PTPN14: variants seen among roughly 807,000 people sequenced by gnomAD.
PTPN14 encodes protein tyrosine phosphatase non-receptor type 14.
Under a neutral mutation model 126.8 loss-of-function variants are expected in PTPN14, and 53 were observed. The ratio of observed to expected loss-of-function variants is 0.42; its 90% CI spans 0.34 to 0.53. The LOEUF is 0.53. Ranked by LOEUF, PTPN14 falls within the 20% of genes least tolerant of loss-of-function variation. The pLI is 0.08. For synonymous variants in PTPN14, 630 were observed against 599.3 expected, an observed-to-expected ratio of 1.05 and a Z score of -0.75; for missense variants, 1,257 against 1,552.9, an observed-to-expected ratio of 0.81 and a Z score of 3.20.
chr1:214,457,995 CTATATCTATAT>C (rs1660419700), intron 2 of PTPN14, among the ~76,000 whole-genome samples: 4 of 2,620 alleles, frequency 1.5e-3, no homozygotes, highest in Non-Finnish European at 1.7e-3. Context: ...ACAGTTTCAT[CTATATCTATAT>C]CTATATCTAT....
intron 1 of PTPN14, among the ~76,000 whole-genome samples, chr1:214,490,490 G>A (rs1661204869): frequency 6.6e-6 from 1 of 152,086 alleles, no homozygotes; most frequent in African/African-American, 2.4e-5. Flanking sequence ...CTCTCATTGT[G>A]TATGCATAAA....
At position 214,402,862 on chromosome 1, in the gene PTPN14, C is replaced by G. The variant is rs372387341; in HGVS notation, c.581+21G>C. On this transcript the variant is annotated intron_variant, in intron 6 of 18. Transcript: ENST00000366956. ...TAAACATCTGTTGTGCAGGCAGCCC[C>G]TTACCCTCTGCCTGCCTTACCTGTG... The G allele has an allele frequency of 1.1e-4, 171 of 1,612,534 alleles. 1 individual carries two copies. The African/African-American group carries it at 2.1e-3, about 20-fold the overall frequency.
chr1:214,394,659 C>T (rs540565609), intron 9 of PTPN14, among the ~76,000 whole-genome samples: 34 of 152,302 alleles, frequency 2.2e-4, no homozygotes, highest in Admixed American at 1.7e-3. Flanking sequence ...CCACCGGCCT[C>T]GGCCTCCCAA....
At chr1:214,536,899 A>C (rs1655722533) in intron 1 of PTPN14, among the ~76,000 whole-genome samples, 1 of 152,284 alleles carries the variant, frequency 6.6e-6, no homozygotes, top group Admixed American at 6.5e-5. Context: ...AAAAAACATC[A>C]AAAAATTTTT....
chr1:214,386,751 G>C lies in PTPN14; in HGVS notation c.1066+93C>G, dbSNP rs1359697740. On this transcript the variant is annotated intron_variant, in intron 12 of 18. Coordinates refer to ENST00000366956, the MANE Select transcript of PTPN14 (RefSeq NM_005401.5). Reference sequence around the variant, plus strand: ...AGACGATGACAAAGTTGAAAAGAAAGCATCCCTGTCATCTTTTTTTTAAAG... The same window carrying C: ...AGACGATGACAAAGTTGAAAAGAAACCATCCCTGTCATCTTTTTTTTAAAG... The C allele has an allele frequency of 4.0e-6, 5 of 1,253,476 alleles. No homozygotes were observed. In the Admixed American group the frequency reaches 8.3e-5, roughly 21 times the overall value. 77.6% of individuals were successfully genotyped at this position (1,253,476 alleles called of 1,614,324 possible).
Position 214,384,379 on chromosome 1 carries a change from C to G in PTPN14, c.1476G>C (p.Glu492Asp). 1 of 1,614,166 alleles carries G rather than the reference C, an allele frequency of 6.2e-7. No individual in the cohort carries two copies. The highest frequency in any genetic ancestry group is 8.5e-7 in the Non-Finnish European group (1 of 1,180,042). ...CATAAGGGACAGTGTAGGGGTGCCT[C>G]TCCCGCATCTCCGGTTGGCTGTACA... ...DLVYSQPEMR[E>D]RHPYTVPYGP... The change falls in exon 13 of 19, where the codon GAG (glutamate) becomes GAC (aspartate). Residue 492 changes from glutamate to aspartate, a missense_variant. This residue lies in a region of PTPN14 where 1,021 missense variants were observed against 1,183.3 expected (regional missense o/e 0.86). Coordinates refer to ENST00000366956, the MANE Select transcript of PTPN14 (RefSeq NM_005401.5). The surrounding 1 kb of genome is among the most constrained non-coding windows in gnomAD (Gnocchi z 5.3).
chr1:214,506,981 G>C (rs551934415), intron 1 of PTPN14, among the ~76,000 whole-genome samples: 1 of 151,216 alleles, frequency 6.6e-6, no homozygotes, highest in South Asian at 2.1e-4. Context: ...CTGTGTTTAA[G>C]TTAAATGAAA....
At chr1:214,361,373 T>G (rs1657952504) in intron 18 of PTPN14, among the ~76,000 whole-genome samples, 1 of 152,166 alleles carries the variant, frequency 6.6e-6, no homozygotes, top group African/African-American at 2.4e-5. Context: ...CCCATCTCAA[T>G]TACCTGTAGG....
At chr1:214,424,266 G>A (rs113200958) in intron 3 of PTPN14, among the ~76,000 whole-genome samples, 68,144 of 150,636 alleles carry the variant, frequency 0.45, 15,481 homozygotes, top group Admixed American at 0.49. Flanking sequence ...CTGCACTCCA[G>A]CCTGGGCAAC....
At chr1:214,548,837 C>A (rs1656035829) in intron 1 of PTPN14, among the ~76,000 whole-genome samples, 1 of 152,174 alleles carries the variant, frequency 6.6e-6, no homozygotes, top group Admixed American at 6.5e-5. Context: ...TATGGTGCTT[C>A]CCTATTAAAA....
chr1:214,407,190 G>A (rs1369417112), intron 5 of PTPN14, among the ~76,000 whole-genome samples: 1 of 152,176 alleles, frequency 6.6e-6, no homozygotes, highest in Non-Finnish European at 1.5e-5. Flanking sequence ...GAAAACAGCA[G>A]GCACAGCAGA....
At chr1:214,490,854 G>A (rs1330305193) in intron 1 of PTPN14, among the ~76,000 whole-genome samples, 12 of 34,586 alleles carry the variant, frequency 3.5e-4, no homozygotes, top group African/African-American at 1.6e-3. Flanking sequence ...GGAAAGGAAG[G>A]GAAGGGAGGG....
At chr1:214,449,305 C>T (rs946770150) in intron 3 of PTPN14, among the ~76,000 whole-genome samples, 6 of 152,132 alleles carry the variant, frequency 3.9e-5, no homozygotes, top group Non-Finnish European at 7.3e-5. Flanking sequence ...CGCGCCCGGC[C>T]GACTTAATTT....
chr1:214,503,743 A>G (rs1057213252), intron 1 of PTPN14, among the ~76,000 whole-genome samples: 4 of 152,190 alleles, frequency 2.6e-5, no homozygotes, highest in African/African-American at 7.2e-5. Flanking sequence ...CACTAATGTC[A>G]GCAATGTTGT....
At chr1:214,404,008 T>C (rs1659101045) in intron 5 of PTPN14, among the ~76,000 whole-genome samples, 1 of 152,116 alleles carries the variant, frequency 6.6e-6, no homozygotes, top group Non-Finnish European at 1.5e-5. Flanking sequence ...GGATGGGAGG[T>C]AGGGACTGAT....
chr1:214,514,958 T>A (rs1446792656), intron 1 of PTPN14, among the ~76,000 whole-genome samples: 1 of 152,066 alleles, frequency 6.6e-6, no homozygotes, highest in African/African-American at 2.4e-5. Flanking sequence ...GCCTGGCAGC[T>A]CCCCTCCTGT....
intron 3 of PTPN14, among the ~76,000 whole-genome samples, chr1:214,416,795 G>C (rs920636754): frequency 6.6e-6 from 1 of 152,150 alleles, no homozygotes; most frequent in African/African-American, 2.4e-5. Context: ...GTACAATTTT[G>C]CACAAAAGGC....
chr1:214,355,804 G>C lies in PTPN14; in HGVS notation c.*2118C>G, dbSNP rs17786841. ...TCACAAAGGCATACTTTTTCTGGTT[G>C]ATTTGATGTCACTCCATCTTTTTAG... On this transcript the variant is annotated 3_prime_UTR_variant, in exon 19 of 19. Transcript: ENST00000366956. The C allele has an allele frequency of 0.2, 30,635 of 152,000 alleles. 3,702 individuals carry two copies. The highest frequency in any genetic ancestry group is 0.27 in the Non-Finnish European group (18,435 of 67,978). The allele number at this position is 152,000 out of a possible 1,614,324, so 9.4% of individuals were successfully genotyped here. A position where few individuals can be genotyped will look rare whatever the true frequency, so the allele number is the denominator to read the frequency against.
chr1:214,478,266 C>T (rs1370488949), intron 1 of PTPN14, among the ~76,000 whole-genome samples: 1 of 152,198 alleles, frequency 6.6e-6, no homozygotes, highest in Admixed American at 6.5e-5. Context: ...TTTGGCATAT[C>T]TACATTATTT....
Sources: allele counts gnomAD v4.1 joint callset (sites outside exome capture counted in the v4.1 genomes callset), GRCh38; gene constraint gnomAD v4.1.1; regional missense constraint gnomAD v4.1.1; non-coding constraint Gnocchi (gnomAD v3.1); transcripts MANE v1.5; gene names NCBI Gene and HGNC (gene_info 2026-07-23, HGNC 2026-07-21).